ATG16L2: variants seen among roughly 807,000 people sequenced by gnomAD.
ATG16L2 encodes the protein autophagy related 16 like 2.
In ATG16L2, 77 loss-of-function variants were observed where a neutral mutation model predicts 84.7. That is an observed-to-expected ratio of 0.91 (90% CI 0.76 to 1.10). The LOEUF is 1.10. Among genes scored for constraint, ATG16L2 ranks in the 50% least tolerant of loss-of-function variants. The probability of loss-of-function intolerance (pLI) is 0.00; values close to 1 mark genes in which losing one functional copy is unlikely to be tolerated. For missense variants in ATG16L2, 782 were observed against 817.6 expected (o/e 0.96, Z 0.53); for synonymous variants, 361 against 342.8 (o/e 1.05, Z -0.59).
chr11:72,832,533 C>G (rs1422859713), downstream of ATG16L2, among the ~76,000 whole-genome samples: 1 of 152,218 alleles, frequency 6.6e-6, no homozygotes, highest in East Asian at 1.9e-4. Context: ...CTCCCTCCAG[C>G]CTCTTCAGTC....
At chr11:72,824,023 C>T (rs1394928841) in intron 7 of ATG16L2, 37 bp from the exon 8 acceptor site, 1 of 1,611,084 alleles carries the variant, frequency 6.2e-7, no homozygotes, top group South Asian at 1.1e-5. Context: ...CACACACCAG[C>T]CAGTCCCTTA....
intron 8 of ATG16L2, 151 bp downstream of exon 8, chr11:72,824,273 G>C (rs1860199895): frequency 1.1e-6 from 1 of 908,750 alleles, no homozygotes; most frequent in Non-Finnish European, 1.7e-6. Context: ...GGAGCCAGGT[G>C]AATGGCCTCA....
intron 8 of ATG16L2, chr11:72,824,350 G>C (rs1352183511): frequency 1.7e-6 from 1 of 595,470 alleles, no homozygotes; most frequent in Non-Finnish European, 3.0e-6. Flanking sequence ...ATCCAAGGTC[G>C]TCACAGGGGA....
At chr11:72,842,884 GCCGGTTGCTTTTGCAACCACC>G (rs1368413572) in exon 6 of ATG16L2, 7 of 1,536,482 alleles carry the variant, frequency 4.6e-6, no homozygotes, top group Non-Finnish European at 6.3e-6. Context: ...ATAATTAACA[GCCGGTTGCTTTTGCAACCACC>G]CCTATGCTCA....
exon 6 of ATG16L2, chr11:72,843,154 T>G: frequency 3.1e-6 from 5 of 1,613,830 alleles, no homozygotes; most frequent in Non-Finnish European, 4.2e-6. Context: ...TCTTTACCAC[T>G]GGCATCTCCG....
Position 72,825,319 on chromosome 11 carries a change from G to C in ATG16L2, c.1014G>C (p.Glu338Asp). 6.2e-7 allele frequency: 1 copy of C among 1,613,580 alleles called. No individual in the cohort carries two copies. Among genetic ancestry groups the C allele is most frequent in the Non-Finnish European group, 8.5e-7 (1 of 1,179,954 alleles). ...CCCCACAGGATGCCCACCTCTCTGAGGTCAATGCTGTTCGTTTTGGCCCCA... is the reference window on the plus strand; with the variant it reads ...CCCCACAGGATGCCCACCTCTCTGACGTCAATGCTGTTCGTTTTGGCCCCA... ...AQDVLDAHLS[E>D]VNAVRFGPNS... Residue 338 changes from glutamate to aspartate, a missense_variant, in exon 10 of 18, where the codon GAG becomes GAC. Glu to Asp is a conservative substitution (Grantham distance 45). Transcript: ENST00000321297.
chr11:72,824,652 T>G, intron 8 of ATG16L2, 82 bp from the exon 9 acceptor site: 1 of 990,958 alleles, frequency 1.0e-6, no homozygotes, highest in Non-Finnish European at 1.6e-6. Context: ...CTTCCTATGG[T>G]TGATGCCTCA....
chr11:72,826,134 A>G (rs1469055447), intron 10 of ATG16L2, 39 bp from the exon 11 acceptor site: 1 of 1,541,076 alleles, frequency 6.5e-7, no homozygotes, highest in South Asian at 1.1e-5. Context: ...TGTGAGGTTA[A>G]GACCTCATTT....
chr11:72,828,970 A>G lies in ATG16L2; in HGVS notation c.1758A>G (p.Leu586=). ...ACACCGGGAAACTGGAGAGCAGACT[A>G]CAGGGACCCCATTGGTGAGCATGGC... is the stretch of plus-strand genomic sequence containing the variant. ...DVDTGKLESR[L]QGPHCAAVNA... is the part of the protein sequence containing the mutation. The change falls in exon 17 of 18, where the codon CTA becomes CTG. Residue 586 remains leucine, a synonymous_variant. Transcript: ENST00000321297. 6.2e-7 allele frequency: 1 copy of G among 1,614,074 alleles called. No homozygotes were observed. Among genetic ancestry groups the G allele is most frequent in the Non-Finnish European group, 8.5e-7 (1 of 1,179,992 alleles).
Position 72,821,697 on chromosome 11 carries a change from G to A in ATG16L2, c.348G>A (p.Ala116=). 6.5e-7 allele frequency: 1 copy of A among 1,537,362 alleles called. No individual in the cohort carries two copies. Among genetic ancestry groups the A allele is most frequent in the South Asian group, 1.2e-5 (1 of 83,918 alleles). ...EMAYQVVEKG[A]ALGTLESELQ... Reference sequence around the variant, plus strand: ...CCTACCAGGTGGTGGAGAAGGGCGCGGCCCTGGGCACGCTGGAGTCGGAGC... The same window carrying A: ...CCTACCAGGTGGTGGAGAAGGGCGCAGCCCTGGGCACGCTGGAGTCGGAGC... Residue 116 remains alanine, a synonymous_variant, in exon 4 of 18, where the codon GCG becomes GCA. Coordinates refer to ENST00000321297, the MANE Select transcript of ATG16L2 (RefSeq NM_033388.2).
At chr11:72,816,612 T>G in intron 1 of ATG16L2, 116 bp from the exon 2 acceptor site, 1 of 803,596 alleles carries the variant, frequency 1.2e-6, no homozygotes, top group Non-Finnish European at 2.1e-6. Flanking sequence ...GCCAGAAGCT[T>G]CCCCATCCCT....
chr11:72,834,177 C>A (rs1213838487), downstream of ATG16L2, among the ~76,000 whole-genome samples: 2 of 152,128 alleles, frequency 1.3e-5, no homozygotes, highest in Non-Finnish European at 2.9e-5. Context: ...CCTAAAATTT[C>A]TGTAATTTAG....
downstream of ATG16L2, among the ~76,000 whole-genome samples, chr11:72,830,961 A>G (rs1435739511): frequency 2.0e-5 from 3 of 152,052 alleles, no homozygotes; most frequent in African/African-American, 7.3e-5. Flanking sequence ...CATCTCAGAC[A>G]TGCTTTTCTT....
intron 14 of ATG16L2, among the ~76,000 whole-genome samples, 161 bp from the exon 15 acceptor site, chr11:72,828,198 A>C (rs961457283): frequency 2.6e-5 from 4 of 152,202 alleles, no homozygotes; most frequent in Non-Finnish European, 5.9e-5. Context: ...TGCAGTGGGG[A>C]GAAGGGAGAT....
At chr11:72,815,423 C>T (rs1395521156) in intron 1 of ATG16L2, among the ~76,000 whole-genome samples, 1 of 152,172 alleles carries the variant, frequency 6.6e-6, no homozygotes, top group Non-Finnish European at 1.5e-5. Context: ...GGCCAGCCCC[C>T]ACCTCCAGCA....
rs1189485303 is a variant in ATG16L2, at chr11:72,821,664, C to G, written c.319-4C>G. On this transcript the variant is annotated splice_region_variant and splice_polypyrimidine_tract_variant and intron_variant, in intron 3 of 17. Transcript: ENST00000321297. ...CGCCGCCGTGCCCACCTGTCCGCCCCCAGATGGCCTACCAGGTGGTGGAGA... is the reference window on the plus strand; with the variant it reads ...CGCCGCCGTGCCCACCTGTCCGCCCGCAGATGGCCTACCAGGTGGTGGAGA... 6.5e-7 allele frequency: 1 copy of G among 1,534,686 alleles called. No homozygotes were observed. The highest frequency in any genetic ancestry group is 1.4e-5 in the African/African-American group (1 of 72,902).
intron 5 of ATG16L2, chr11:72,840,967 A>G (rs2135149400): frequency 1.2e-6 from 2 of 1,601,668 alleles, no homozygotes; most frequent in East Asian, 4.5e-5. Context: ...TTTCTAAGGG[A>G]GAAAACCAAA....
At position 72,842,997 on chromosome 11, in the gene ATG16L2, T is replaced by G. The variant is rs867398749; in HGVS notation, c.*402T>G. On this transcript the variant is annotated 3_prime_UTR_variant, in exon 6 of 6. Transcript: ENST00000534905. ...CACTGATGAATGATTAACTTTAGGG[T>G]TCTACTGTGCAGGACAAACGTGACC... The G allele has an allele frequency of 4.5e-6, 4 of 883,106 alleles. No individual in the cohort carries two copies. The East Asian group carries it at 1.1e-4, about 23-fold the overall frequency. The allele number at this position is 883,106 out of a possible 1,614,324, so 54.7% of individuals were successfully genotyped here.
chr11:72,842,347 CT>C (rs1434993241), intron 5 of ATG16L2, among the ~76,000 whole-genome samples: 2 of 152,224 alleles, frequency 1.3e-5, no homozygotes, highest in Non-Finnish European at 1.5e-5. Flanking sequence ...CCAAAACGAT[CT>C]TTGGTATGTC....
Sources: gnomAD v4.1 joint callset for allele counts (sites outside exome capture counted in the v4.1 genomes callset) on GRCh38, gnomAD v4.1.1 for gene constraint, MANE v1.5 for transcripts, NCBI Gene and HGNC (gene_info 2026-07-23, HGNC 2026-07-21) for gene names.